SDK1: variants seen among roughly 807,000 people sequenced by gnomAD.
SDK1 encodes sidekick cell adhesion molecule 1.
Under a neutral mutation model 245.5 loss-of-function variants are expected in SDK1, and 157 were observed. The ratio of observed to expected loss-of-function variants is 0.64; its 90% CI spans 0.56 to 0.73. The LOEUF (loss-of-function observed/expected upper bound fraction) is 0.73, where lower values mean the gene tolerates loss of function less well. SDK1 is among the 30% of genes least tolerant of loss of function. The pLI is 0.00. For missense variants in SDK1, 3,583 were observed against 3,002.3 expected (o/e 1.19, Z -4.52); for synonymous variants, 1,647 against 1,278.5 (o/e 1.29, Z -6.15).
At position 4,002,966 on chromosome 7, in the gene SDK1, T is replaced by C. The variant is rs369478458; in HGVS notation, c.2132-8000T>C. Among the ~76,000 whole-genome samples the C allele has an allele frequency of 4.3e-4, 66 of 152,354 alleles. 1 individual carries two copies. The highest frequency in any genetic ancestry group is 1.5e-3 in the African/African-American group (64 of 41,586). Reference sequence around the variant, plus strand: ...CCAGAGGGCACTGGGCAGTGCTGTTTGCAGCTCATGGAGCCCTAGCCCTTT... The same window carrying C: ...CCAGAGGGCACTGGGCAGTGCTGTTCGCAGCTCATGGAGCCCTAGCCCTTT... On this transcript the variant is annotated intron_variant, in intron 14 of 44. Coordinates refer to ENST00000404826, the MANE Select transcript of SDK1 (RefSeq NM_152744.4).
In SDK1 at chr7:3,312,569, G is replaced by GT. The variant is rs10706655; in HGVS notation, c.298+10694dup. Among the ~76,000 whole-genome samples the GT allele has an allele frequency of 2.0e-3, 295 of 151,086 alleles. 1 individual carries two copies. Among genetic ancestry groups the GT allele is most frequent in the Admixed American group, 5.7e-3 (87 of 15,188 alleles). On this transcript the variant is annotated intron_variant, in intron 1 of 44. Transcript: ENST00000404826. ...GAAATGAAAATAATGGTCATTAAGT[G>GT]TTTTTTTTTAAAAAAAATAACCTCA... is the stretch of plus-strand genomic sequence containing the variant.
At chr7:3,694,937 T>C (rs1784532018) in intron 4 of SDK1, among the ~76,000 whole-genome samples, 1 of 152,186 alleles carries the variant, frequency 6.6e-6, no homozygotes, top group Non-Finnish European at 1.5e-5. Flanking sequence ...TTCTGTTCTG[T>C]AGAATTTCTT....
intron 4 of SDK1, among the ~76,000 whole-genome samples, chr7:3,795,125 T>G (rs1232666652): frequency 1.3e-5 from 2 of 152,146 alleles, no homozygotes; most frequent in Non-Finnish European, 2.9e-5. Context: ...AGCTTGTCCA[T>G]GGTTAGTGGC....
rs558409089 is a variant in SDK1, at chr7:3,492,679, C to T, written c.299-126401C>T. ...CAGGTAACAAGTGCCCTGTTGCTTC[C>T]TGGTTGACTGATGCTCTCTCTGTTA... On this transcript the variant is annotated intron_variant, in intron 1 of 44. Transcript: ENST00000404826. 2.6e-5 allele frequency among the ~76,000 whole-genome samples: 4 copies of T among 152,274 alleles called. No individual in the cohort carries two copies. In the East Asian group the frequency reaches 7.7e-4, roughly 29 times the overall value.
At chr7:3,677,997 C>G (rs1369481141) in intron 4 of SDK1, among the ~76,000 whole-genome samples, 1 of 152,174 alleles carries the variant, frequency 6.6e-6, no homozygotes, top group Non-Finnish European at 1.5e-5. Flanking sequence ...GGTCAGTAGG[C>G]TCATGAAGAG....
chr7:4,123,798 A>T (rs1020043285), intron 25 of SDK1, among the ~76,000 whole-genome samples: 1 of 152,124 alleles, frequency 6.6e-6, no homozygotes, highest in Non-Finnish European at 1.5e-5. Flanking sequence ...TTGTGGACAC[A>T]TTCACTGACC....
At chr7:3,464,757 C>G (rs1401793790) in intron 1 of SDK1, among the ~76,000 whole-genome samples, 2 of 150,268 alleles carry the variant, frequency 1.3e-5, no homozygotes, top group African/African-American at 5.0e-5. Flanking sequence ...AAATATATTT[C>G]AATTTTGACT....
intron 35 of SDK1, among the ~76,000 whole-genome samples, chr7:4,198,627 C>T (rs908403223): frequency 6.6e-6 from 1 of 152,122 alleles, no homozygotes; most frequent in Non-Finnish European, 1.5e-5. Context: ...CAACAAAGCC[C>T]TTACATCCCT....
At chr7:3,681,933 G>C (rs1329624767) in intron 4 of SDK1, among the ~76,000 whole-genome samples, 1 of 152,200 alleles carries the variant, frequency 6.6e-6, no homozygotes, top group East Asian at 1.9e-4. Context: ...TCCCTATACT[G>C]TATGTAGCCC....
intron 2 of SDK1, among the ~76,000 whole-genome samples, chr7:3,625,509 G>A (rs1263907458): frequency 6.6e-6 from 1 of 152,164 alleles, no homozygotes; most frequent in African/African-American, 2.4e-5. Context: ...TAAAGGCAGG[G>A]GAATGAAGCA....
At chr7:3,650,014 G>GAAAAAA (rs35857495) in intron 4 of SDK1, among the ~76,000 whole-genome samples, 1 of 143,262 alleles carries the variant, frequency 7.0e-6, no homozygotes. Context: ...TTTTTGTTTT[G>GAAAAAA]AAAAAAAAAA....
In SDK1 at chr7:3,497,140, G is replaced by C. The variant is rs77358123; in HGVS notation, c.299-121940G>C. Among the ~76,000 whole-genome samples the C allele has an allele frequency of 5.3e-3, 803 of 152,192 alleles. 14 individuals are homozygous for C. The highest frequency in any genetic ancestry group is 0.038 in the Admixed American group (575 of 15,296). The stretch of plus-strand genomic sequence containing the variant: ...TTGCCACAGCATCATTTTAATCTAA[G>C]ACTTAACTAAAAAGAGAAACTCTTT... On this transcript the variant is annotated intron_variant, in intron 1 of 44. Coordinates refer to ENST00000404826, the MANE Select transcript of SDK1 (RefSeq NM_152744.4).
At position 3,519,235 on chromosome 7, in the gene SDK1, G is replaced by T. The variant is rs149065598; in HGVS notation, c.299-99845G>T. On this transcript the variant is annotated intron_variant, in intron 1 of 44. Coordinates refer to ENST00000404826, the MANE Select transcript of SDK1 (RefSeq NM_152744.4). ...TTCAAGTCTTCCATAGCACTGTAGG[G>T]TGGCTATCATTAACAATGATTATGG... Among the ~76,000 whole-genome samples, 403 of 152,198 alleles carry T rather than the reference G, an allele frequency of 2.6e-3. 1 individual carries two copies. The highest frequency in any genetic ancestry group is 9.2e-3 in the African/African-American group (383 of 41,530).
At chr7:3,970,380 A>G (rs1298786179) in intron 11 of SDK1, among the ~76,000 whole-genome samples, 1 of 152,232 alleles carries the variant, frequency 6.6e-6, no homozygotes, top group African/African-American at 2.4e-5. Context: ...AATTAATCCA[A>G]GTTCCCACTA....
At chr7:3,768,901 C>T (rs1226112497) in intron 4 of SDK1, among the ~76,000 whole-genome samples, 1 of 152,156 alleles carries the variant, frequency 6.6e-6, no homozygotes, top group Non-Finnish European at 1.5e-5. Context: ...CGTAGGAACA[C>T]AGAACAAAAT....
intron 2 of SDK1, among the ~76,000 whole-genome samples, chr7:3,627,544 A>G (rs1441174492): frequency 6.6e-6 from 1 of 152,196 alleles, no homozygotes; most frequent in Non-Finnish European, 1.5e-5. Context: ...AAATATAAGC[A>G]TCCAGTCCCA....
chr7:3,621,352 A>C (rs1781932224), intron 2 of SDK1, among the ~76,000 whole-genome samples: 1 of 152,206 alleles, frequency 6.6e-6, no homozygotes, highest in Admixed American at 6.5e-5. Context: ...TCCATTGGAA[A>C]AATGAGTACA....
intron 18 of SDK1, 70 bp from the exon 19 acceptor site, chr7:4,051,568 C>G: frequency 4.6e-6 from 6 of 1,309,126 alleles, no homozygotes; most frequent in Middle Eastern, 4.5e-4. Flanking sequence ...AAATAAAATT[C>G]TGCTGCAGAC....
intron 17 of SDK1, among the ~76,000 whole-genome samples, chr7:4,017,883 C>G (rs1240116695): frequency 6.6e-6 from 1 of 152,190 alleles, no homozygotes; most frequent in East Asian, 1.9e-4. Flanking sequence ...GAAAAATTGA[C>G]CAGACATAAA....
Sources: allele counts gnomAD v4.1 joint callset (sites outside exome capture counted in the v4.1 genomes callset), GRCh38; gene constraint gnomAD v4.1.1; transcripts MANE v1.5; gene names NCBI Gene and HGNC (gene_info 2026-07-23, HGNC 2026-07-21).